Variants in PLCB4 observed in about 807,000 individuals in gnomAD.
The protein encoded by PLCB4 is phospholipase C beta 4.
Under a neutral mutation model 178.8 loss-of-function variants are expected in PLCB4, and 77 were observed. The ratio of observed to expected loss-of-function variants is 0.43; its 90% CI spans 0.36 to 0.52. The LOEUF (loss-of-function observed/expected upper bound fraction) is 0.52, where lower values mean the gene tolerates loss of function less well. Ranked by LOEUF, PLCB4 falls within the 20% of genes least tolerant of loss-of-function variation. PLCB4 has a pLI of 0.00. For missense variants in PLCB4, 1,024 were observed against 1,453.4 expected (o/e 0.70, Z 4.80); for synonymous variants, 496 against 490.8 (o/e 1.01, Z -0.14).
chr20:9,273,518 A>G lies in PLCB4; in HGVS notation c.-15-34282A>G, dbSNP rs147113024. Among the ~76,000 whole-genome samples, 1,057 of 152,190 alleles carry G rather than the reference A, an allele frequency of 6.9e-3. 17 individuals are homozygous for G. The highest frequency in any genetic ancestry group is 0.023 in the African/African-American group (964 of 41,552). On this transcript the variant is annotated intron_variant, in intron 3 of 39. Transcript: ENST00000378473. ...GCAGGGGATCCCAAATGAGCCCCTC[A>G]CCCAAAGCTGTGGGTTAGAGAAGGG...
At chr20:9,119,193 G>T (rs886594565) in intron 2 of PLCB4, among the ~76,000 whole-genome samples, 5 of 152,072 alleles carry the variant, frequency 3.3e-5, no homozygotes, top group Admixed American at 1.3e-4. Flanking sequence ...ATTTTAATGT[G>T]TATTTCTCTA....
intron 28 of PLCB4, among the ~76,000 whole-genome samples, chr20:9,425,736 G>A (rs948888899): frequency 6.6e-6 from 1 of 152,128 alleles, no homozygotes; most frequent in East Asian, 1.9e-4. Flanking sequence ...TTCTGCAGTC[G>A]ATGCCTTAAC....
intron 35 of PLCB4, among the ~76,000 whole-genome samples, chr20:9,465,283 T>C (rs1179613224): frequency 1.3e-5 from 2 of 152,168 alleles, no homozygotes; most frequent in African/African-American, 4.8e-5. Context: ...GGAATGTATC[T>C]CAAATTAATA....
intron 30 of PLCB4, among the ~76,000 whole-genome samples, chr20:9,440,205 T>C (rs1422042592): frequency 1.3e-5 from 2 of 152,232 alleles, no homozygotes; most frequent in African/African-American, 4.8e-5. Flanking sequence ...GTCAAAAATG[T>C]GTTTAATATC....
chr20:9,427,274 A>C (rs1212769804), intron 28 of PLCB4, among the ~76,000 whole-genome samples: 1 of 152,064 alleles, frequency 6.6e-6, no homozygotes, highest in Non-Finnish European at 1.5e-5. Flanking sequence ...CAAAGAAATA[A>C]CAGAGCAGTG....
chr20:9,343,580 G>C (rs2033471902), intron 7 of PLCB4, among the ~76,000 whole-genome samples: 1 of 152,268 alleles, frequency 6.6e-6, no homozygotes, highest in Non-Finnish European at 1.5e-5. Context: ...ATTGTTAAGA[G>C]ACACCTTGGT....
intron 4 of PLCB4, among the ~76,000 whole-genome samples, chr20:9,315,899 C>T (rs945209127): frequency 4.0e-5 from 6 of 151,880 alleles, no homozygotes; most frequent in Non-Finnish European, 5.9e-5. Flanking sequence ...CACCACTACA[C>T]TCCAGCACTC....
chr20:9,362,375 C>T (rs1434735330), intron 7 of PLCB4, among the ~76,000 whole-genome samples: 1 of 152,168 alleles, frequency 6.6e-6, no homozygotes, highest in Non-Finnish European at 1.5e-5. Context: ...TCGCTGTTTG[C>T]TCTGATCACC....
chr20:9,189,823 A>G (rs2093377665), intron 2 of PLCB4, among the ~76,000 whole-genome samples: 1 of 152,114 alleles, frequency 6.6e-6, no homozygotes, highest in Non-Finnish European at 1.5e-5. Flanking sequence ...GCCCCTTTAT[A>G]AGGCACTAAT....
At position 9,181,502 on chromosome 20, in the gene PLCB4, G is replaced by A. The variant is rs577551184; in HGVS notation, c.-78-35888G>A. ...TTATAAACAAAAGCCATTTCTTACC[G>A]TTGTGGAGGCTGGAAGTCCAAAGTC... On this transcript the variant is annotated intron_variant, in intron 2 of 39. Transcript: ENST00000378473. Among the ~76,000 whole-genome samples the A allele has an allele frequency of 5.2e-4, 79 of 152,190 alleles. No homozygotes were observed. In the South Asian group the frequency reaches 0.015, roughly 29 times the overall value.
At chr20:9,459,913 G>A (rs1484087172) in intron 35 of PLCB4, 103 bp downstream of exon 35, 69 of 693,240 alleles carry the variant, frequency 1.0e-4, no homozygotes, top group East Asian at 4.9e-4. Flanking sequence ...TCAATTTGAC[G>A]TACAACATGT....
At position 9,153,735 on chromosome 20, in the gene PLCB4, G is replaced by A. The variant is rs200152529; in HGVS notation, c.-79+57393G>A. 4.4e-4 allele frequency among the ~76,000 whole-genome samples: 67 copies of A among 152,286 alleles called. No homozygotes were observed. The East Asian group carries it at 6.0e-3, about 14-fold the overall frequency. On this transcript the variant is annotated intron_variant, in intron 2 of 39. Coordinates refer to ENST00000378473, the MANE Select transcript of PLCB4 (RefSeq NM_001377142.1). ...TACGTTTTCATTCAGTGAGTGATACGATAAGGGGAGGAATAAGGTGCATAG... is the reference window on the plus strand; with the variant it reads ...TACGTTTTCATTCAGTGAGTGATACAATAAGGGGAGGAATAAGGTGCATAG...
intron 7 of PLCB4, among the ~76,000 whole-genome samples, chr20:9,362,337 G>C (rs2035415345): frequency 1.3e-5 from 2 of 152,184 alleles, no homozygotes; most frequent in Non-Finnish European, 2.9e-5. Flanking sequence ...TGAGGTCCAA[G>C]TCCTTATACA....
chr20:9,400,305 A>T (rs1436870018), intron 19 of PLCB4, among the ~76,000 whole-genome samples: 3 of 152,214 alleles, frequency 2.0e-5, no homozygotes, highest in African/African-American at 7.2e-5. Flanking sequence ...CTGTTTTATT[A>T]TGACTAAGAA....
chr20:9,452,392 TTA>T (rs1308914602), intron 32 of PLCB4, among the ~76,000 whole-genome samples: 1 of 152,056 alleles, frequency 6.6e-6, no homozygotes, highest in Non-Finnish European at 1.5e-5. Context: ...GTGAGAGGGG[TTA>T]TATAACCTGA....
intron 2 of PLCB4, among the ~76,000 whole-genome samples, chr20:9,098,755 G>GTGTGTGTC (rs1172246353): frequency 1.4e-5 from 2 of 147,086 alleles, no homozygotes; most frequent in Non-Finnish European, 3.0e-5. Context: ...GTGTGTGTGT[G>GTGTGTGTC]TGTGTGTGTA....
At chr20:9,191,178 A>G (rs1409926092) in intron 2 of PLCB4, among the ~76,000 whole-genome samples, 1 of 152,140 alleles carries the variant, frequency 6.6e-6, no homozygotes, top group African/African-American at 2.4e-5. Context: ...AGTAAAATAA[A>G]TTACATGGAA....
intron 1 of PLCB4, among the ~76,000 whole-genome samples, chr20:9,089,364 T>C (rs1169645548): frequency 6.6e-6 from 1 of 152,026 alleles, no homozygotes; most frequent in African/African-American, 2.4e-5. Flanking sequence ...TATGTGATTA[T>C]GTAAAAAATA....
chr20:9,119,681 C>T (rs1024904102), intron 2 of PLCB4, among the ~76,000 whole-genome samples: 2 of 152,120 alleles, frequency 1.3e-5, no homozygotes, highest in African/African-American at 2.4e-5. Flanking sequence ...TATTAGTTCA[C>T]CTTTATTAAT....
Sources: gnomAD v4.1 joint callset for allele counts (sites outside exome capture counted in the v4.1 genomes callset) on GRCh38, gnomAD v4.1.1 for gene constraint, MANE v1.5 for transcripts, NCBI Gene and HGNC (gene_info 2026-07-23, HGNC 2026-07-21) for gene names.